Variants in PFKFB2 observed in about 807,000 individuals in gnomAD.
PFKFB2 encodes the protein 6-phosphofructo-2-kinase/fructose-2,6-biphosphatase 2.
In PFKFB2, 53 loss-of-function variants were observed where a neutral mutation model predicts 68.0. The observed-to-expected ratio is 0.78, with a 90% CI of 0.63 to 0.98. PFKFB2 has a LOEUF of 0.98. PFKFB2 is among the 50% of genes least tolerant of loss of function. The pLI, the probability that PFKFB2 is intolerant of heterozygous loss-of-function variation, is 0.00. For missense variants in PFKFB2, 451 were observed against 642.0 expected, an observed-to-expected ratio of 0.70 and a Z score of 3.22; for synonymous variants, 222 against 227.6, an observed-to-expected ratio of 0.98 and a Z score of 0.22.
chr1:207,077,069 T>C lies in PFKFB2; in HGVS notation c.*4698T>C. 1 of 985,168 alleles carries C rather than the reference T, an allele frequency of 1.0e-6. No individual in the cohort carries two copies. The highest frequency in any genetic ancestry group is 1.7e-5 in the African/African-American group (1 of 57,356). The allele number at this position is 985,168 out of a possible 1,614,324, so 61.0% of individuals were successfully genotyped here. Reference sequence around the variant, plus strand: ...AGATAAAGGTTATGCATCACTTTTATGGTATTTTGTGAACTCAGCTAAGGG... The same window carrying C: ...AGATAAAGGTTATGCATCACTTTTACGGTATTTTGTGAACTCAGCTAAGGG... On this transcript the variant is annotated 3_prime_UTR_variant, in exon 15 of 15. Transcript: ENST00000367080.
chr1:207,049,709 T>C, upstream of PFKFB2: 2 of 1,613,238 alleles, frequency 1.2e-6, no homozygotes, highest in Non-Finnish European at 1.7e-6. Flanking sequence ...TCTTCTTCAA[T>C]GATCAGCATG....
chr1:207,075,561 T>G lies in PFKFB2; in HGVS notation c.*3190T>G, dbSNP rs1219282018. The G allele has an allele frequency of 1.0e-6, 1 of 985,394 alleles. No homozygotes were observed. The highest frequency in any genetic ancestry group is 1.7e-5 in the African/African-American group (1 of 57,372). The allele number at this position is 985,394 out of a possible 1,614,324, so 61.0% of individuals were successfully genotyped here. A position where few individuals can be genotyped will look rare whatever the true frequency, so the allele number is the denominator to read the frequency against. ...CAAGTCCTACAAAATAAAAATGGACTTAAAAGTACTCTCTGCTGAGGCTGT... is the reference window on the plus strand; with the variant it reads ...CAAGTCCTACAAAATAAAAATGGACGTAAAAGTACTCTCTGCTGAGGCTGT... On this transcript the variant is annotated 3_prime_UTR_variant, in exon 15 of 15. Coordinates refer to ENST00000367080, the MANE Select transcript of PFKFB2 (RefSeq NM_006212.2).
intron 2 of PFKFB2, 152 bp downstream of exon 2, chr1:207,054,954 C>T: frequency 1.7e-6 from 1 of 603,830 alleles, no homozygotes; most frequent in East Asian, 2.9e-5. Context: ...AATGTCCTGT[C>T]TAAAACAAGT....
intron 8 of PFKFB2, 71 bp from the exon 9 acceptor site, chr1:207,067,428 T>A: frequency 9.0e-7 from 1 of 1,117,248 alleles, no homozygotes; most frequent in Admixed American, 1.9e-5. Flanking sequence ...CCTGTAGAAA[T>A]CCTTTTCCCT....
chr1:207,062,108 AATT>A (rs1457071842), intron 3 of PFKFB2, 30 bp downstream of exon 3: 7 of 1,613,700 alleles, frequency 4.3e-6, no homozygotes, highest in Non-Finnish European at 5.1e-6. Flanking sequence ...TAGGAAAGAC[AATT>A]ATTAGTTCCT....
upstream of PFKFB2, chr1:207,052,252 T>C: frequency 6.2e-7 from 1 of 1,610,742 alleles, no homozygotes; most frequent in Non-Finnish European, 8.5e-7. Context: ...ACATCTTTCA[T>C]GACTCAATTT....
At chr1:207,071,366 G>T in intron 13 of PFKFB2, 116 bp downstream of exon 13, 2 of 1,079,078 alleles carry the variant, frequency 1.9e-6, no homozygotes. Flanking sequence ...AGCTCCATCA[G>T]TGCCTTCTGT....
intron 3 of PFKFB2, among the ~76,000 whole-genome samples, chr1:207,062,296 G>C (rs1355023662): frequency 6.6e-6 from 1 of 152,218 alleles, no homozygotes; most frequent in Non-Finnish European, 1.5e-5. Context: ...TGATAGGACT[G>C]TTAAGATTTA....
At chr1:207,050,921 C>T, upstream of PFKFB2, 1 of 1,594,052 alleles carries the variant, frequency 6.3e-7, no homozygotes, top group Middle Eastern at 1.7e-4. Context: ...GCCCACAGGC[C>T]AGGCACCCGC....
At chr1:207,050,154 T>A (rs1417250500), upstream of PFKFB2, among the ~76,000 whole-genome samples, 2 of 152,214 alleles carry the variant, frequency 1.3e-5, no homozygotes, top group South Asian at 2.1e-4. Context: ...TTATAAACAC[T>A]GATGTTCAAG....
In PFKFB2 at chr1:207,074,572, T is replaced by G; in HGVS notation, c.*2201T>G. ...CCCAAGTAGGATACCATAGGCAGCT[T>G]CTAAAGGCTGCTTACCTAGATTCTT... On this transcript the variant is annotated 3_prime_UTR_variant, in exon 15 of 15. Coordinates refer to ENST00000367080, the MANE Select transcript of PFKFB2 (RefSeq NM_006212.2). 4.1e-6 allele frequency: 4 copies of G among 985,424 alleles called. No individual in the cohort carries two copies. The highest frequency in any genetic ancestry group is 4.8e-6 in the Non-Finnish European group (4 of 829,924). The allele number at this position is 985,424 out of a possible 1,614,324, so 61.0% of individuals were successfully genotyped here. A position where few individuals can be genotyped will look rare whatever the true frequency, so the allele number is the denominator to read the frequency against.
intron 2 of PFKFB2, among the ~76,000 whole-genome samples, chr1:207,056,172 T>C (rs2102338661): frequency 6.6e-6 from 1 of 152,046 alleles, no homozygotes; most frequent in Non-Finnish European, 1.5e-5. Context: ...CTTAGAAGAG[T>C]GTTGGGCATA....
At chr1:207,049,487 G>C, upstream of PFKFB2, 1 of 1,614,124 alleles carries the variant, frequency 6.2e-7, no homozygotes, top group Non-Finnish European at 8.5e-7. Context: ...TAGAAGTCTG[G>C]ATCGCTTGCT....
chr1:207,038,632 C>T (rs866417394), intron 1 of PFKFB2, among the ~76,000 whole-genome samples: 1 of 152,200 alleles, frequency 6.6e-6, no homozygotes, highest in African/African-American at 2.4e-5. Context: ...CCCAGATTCA[C>T]CAATTTTAAT....
At position 207,067,606 on chromosome 1, in the gene PFKFB2, TCCA is replaced by T; in HGVS notation, c.741_743del (p.Gln248del). Reference sequence around the variant, plus strand: ...GTCTACTACCTCATGAATATCCACGTCCAGCCTCGCACCATTTACCTTTGCCGG... The same window carrying T: ...GTCTACTACCTCATGAATATCCACGTGCCTCGCACCATTTACCTTTGCCGG... On this transcript the variant is annotated inframe_deletion, in exon 9 of 15. Transcript: ENST00000367080. 1 of 1,613,920 alleles carries T rather than the reference TCCA, an allele frequency of 6.2e-7. No homozygotes were observed. The highest frequency in any genetic ancestry group is 2.2e-5 in the East Asian group (1 of 44,858).
At chr1:207,069,746 G>A (rs1180888239) in intron 11 of PFKFB2, among the ~76,000 whole-genome samples, 3 of 152,150 alleles carry the variant, frequency 2.0e-5, no homozygotes, top group African/African-American at 7.2e-5. Flanking sequence ...TGTTCAGTAT[G>A]TTTTAGAATC....
At chr1:207,059,316 G>A (rs777325853) in intron 2 of PFKFB2, among the ~76,000 whole-genome samples, 1 of 152,166 alleles carries the variant, frequency 6.6e-6, no homozygotes, top group Non-Finnish European at 1.5e-5. Context: ...TGCCTAATGG[G>A]CTGGAAGGTG....
chr1:207,080,677 A>G (rs1331120927), downstream of PFKFB2: 2 of 151,346 alleles, frequency 1.3e-5, no homozygotes, highest in African/African-American at 4.9e-5. Flanking sequence ...ATTTAATCAG[A>G]ATGTAATATA....
chr1:207,079,415 G>GTAAATCTGCAT, downstream of PFKFB2: 1 of 229,536 alleles, frequency 4.4e-6, no homozygotes, highest in African/African-American at 2.3e-5. Flanking sequence ...CAAGTGAGAA[G>GTAAATCTGCAT]GTAAGAGCTG....
Sources: allele counts gnomAD v4.1 joint callset (sites outside exome capture counted in the v4.1 genomes callset), GRCh38; gene constraint gnomAD v4.1.1; transcripts MANE v1.5; gene names NCBI Gene and HGNC (gene_info 2026-07-23, HGNC 2026-07-21).